Variants in SLC11A2 observed in about 807,000 individuals in gnomAD.
The protein encoded by SLC11A2 is solute carrier family 11 member 2.
A neutral mutation model predicts 68.0 loss-of-function variants in SLC11A2; 38 were observed. That is an observed-to-expected ratio of 0.56 (90% CI 0.43 to 0.73). SLC11A2 has a LOEUF of 0.73. SLC11A2 is among the 30% of genes least tolerant of loss of function. The probability of loss-of-function intolerance (pLI) is 0.00; values close to 1 mark genes in which losing one functional copy is unlikely to be tolerated. For synonymous variants in SLC11A2, 242 were observed against 250.6 expected (o/e 0.97, Z 0.32); for missense variants, 517 against 690.5 (o/e 0.75, Z 2.82).
chr12:50,970,566 A>G, the SLC11A2 span: 183,471 of 1,025,028 alleles, frequency 0.18, 17,904 homozygotes, highest in South Asian at 0.28. Flanking sequence ...ATTATGAAGA[A>G]TAAATTTTCA....
intron 1 of SLC11A2, chr12:51,024,961 G>T (rs1944283361): frequency 6.6e-6 from 1 of 152,190 alleles, no homozygotes; most frequent in African/African-American, 2.4e-5. Context: ...AGTAGGCCAA[G>T]CAAGACTGTC....
chr12:50,989,816 G>C lies in SLC11A2; in HGVS notation c.1575+979C>G, dbSNP rs11837720. Among the ~76,000 whole-genome samples, 1,075 of 152,310 alleles carry C rather than the reference G, an allele frequency of 7.1e-3. 20 individuals are homozygous for C. The highest frequency in any genetic ancestry group is 0.024 in the African/African-American group (1,001 of 41,570). On this transcript the variant is annotated intron_variant, in intron 15 of 15. Transcript: ENST00000262052. ...CTAATGTGTGGCACACTGGTGTGGG[G>C]AAGTGTTCTAGAGATTAACAGCAGG...
the SLC11A2 span, chr12:50,954,292 G>C: frequency 6.7e-6 from 3 of 445,764 alleles, no homozygotes; most frequent in East Asian, 3.4e-5. Flanking sequence ...GTTATTTGAG[G>C]CATCAAATTT....
Position 50,987,834 on chromosome 12 carries a change from G to A in SLC11A2, c.*491C>T, listed in dbSNP as rs1940745272. On this transcript the variant is annotated 3_prime_UTR_variant, in exon 16 of 16. Transcript: ENST00000262052. ...ATTTCATATGGATGAAGCTATTCTAGTTGATAATTTGGTATAATTAAAATA... is the reference window on the plus strand; with the variant it reads ...ATTTCATATGGATGAAGCTATTCTAATTGATAATTTGGTATAATTAAAATA... 4 of 1,260,806 alleles carry A rather than the reference G, an allele frequency of 3.2e-6. No individual in the cohort carries two copies. The African/African-American group carries it at 6.2e-5, about 20-fold the overall frequency. The allele number at this position is 1,260,806 out of a possible 1,614,324, so 78.1% of individuals were successfully genotyped here.
intron 5 of SLC11A2, among the ~76,000 whole-genome samples, chr12:51,001,151 C>T (rs902727791): frequency 5.0e-5 from 7 of 140,284 alleles, no homozygotes; most frequent in Admixed American, 1.5e-4. Context: ...GACAACAAAG[C>T]GAGACTCCAT....
chr12:51,011,671 C>A (rs1216263128), intron 1 of SLC11A2, among the ~76,000 whole-genome samples: 1 of 150,990 alleles, frequency 6.6e-6, no homozygotes, highest in African/African-American at 2.4e-5. Context: ...CAAGCGATTC[C>A]CCTGCCTCAG....
chr12:50,986,200 A>G lies in SLC11A2; in HGVS notation c.*2125T>C, dbSNP rs1278051631. On this transcript the variant is annotated 3_prime_UTR_variant, in exon 16 of 16. Transcript: ENST00000262052. ...AAGAAGAACAAGAACCAATTTATAT[A>G]AAGTACAATTGTATATCCTTAAACA... 4 of 1,283,844 alleles carry G rather than the reference A, an allele frequency of 3.1e-6. No homozygotes were observed. The highest frequency in any genetic ancestry group is 3.0e-6 in the Non-Finnish European group (3 of 985,786). 79.5% of individuals were successfully genotyped at this position (1,283,844 alleles called of 1,614,324 possible).
chr12:50,975,165 A>C (rs1325704432), downstream of SLC11A2, among the ~76,000 whole-genome samples: 3 of 152,150 alleles, frequency 2.0e-5, no homozygotes, highest in Non-Finnish European at 4.4e-5. Context: ...AGAACTCTCC[A>C]CCCCAAATCA....
At chr12:50,956,072 A>G in the SLC11A2 span, among the ~76,000 whole-genome samples, 3 of 152,346 alleles carry the variant, frequency 2.0e-5, no homozygotes, top group African/African-American at 7.2e-5. Context: ...AATAGAGATA[A>G]GTTTTTGCTA....
Position 50,990,932 on chromosome 12 carries a change from C to G in SLC11A2, c.1438G>C (p.Gly480Arg). 6.2e-7 allele frequency: 1 copy of G among 1,614,012 alleles called. No homozygotes were observed. The highest frequency in any genetic ancestry group is 8.5e-7 in the Non-Finnish European group (1 of 1,179,936). The change falls in exon 15 of 16, where the codon GGA (glycine) becomes CGA (arginine). Residue 480 changes from glycine (G) to arginine (R), a missense_variant. Gly to Arg is a moderately radical substitution (Grantham distance 125). Transcript: ENST00000262052. ...FANGLGWRIA[G>R]GILVLIICSI... ...CAGATGATAAGGACCAAGATTCCTC[C>G]TGCAATCCGCCAGCCTCTGTAAAAG...
intron 5 of SLC11A2, among the ~76,000 whole-genome samples, chr12:51,003,966 G>C (rs970776919): frequency 2.0e-5 from 3 of 151,788 alleles, no homozygotes; most frequent in African/African-American, 7.3e-5. Flanking sequence ...GAAAGAAAAA[G>C]AAGCTAGAAG....
At chr12:50,991,362 G>A in intron 14 of SLC11A2, 1 of 575,952 alleles carries the variant, frequency 1.7e-6, no homozygotes, top group Non-Finnish European at 3.1e-6. Context: ...AGTGGCTGAA[G>A]CTGAAGAGTT....
intron 1 of SLC11A2, among the ~76,000 whole-genome samples, chr12:51,017,503 G>A (rs375274940): frequency 6.6e-6 from 1 of 152,186 alleles, no homozygotes; most frequent in African/African-American, 2.4e-5. Flanking sequence ...GAAGGAAGGA[G>A]TAGGAGAGCC....
chr12:50,996,820 G>A lies in SLC11A2; in HGVS notation c.828C>T (p.Val276=), dbSNP rs754854640. The change falls in exon 9 of 16, where the codon GTC becomes GTT. Residue 276 remains valine, a synonymous_variant. Transcript: ENST00000262052. ...AGGAGATAAGGGCCTTGCTCACCTT[G>A]ACTAAGGCAGAATGCAGGTACATGT... The part of the protein sequence containing the change: ...PHNMYLHSAL[V]KSRQVNRNNK... 4.8e-5 allele frequency: 78 copies of A among 1,613,884 alleles called. No individual in the cohort carries two copies. Among genetic ancestry groups the A allele is most frequent in the Non-Finnish European group, 6.6e-5 (78 of 1,179,962 alleles).
At chr12:51,001,003 A>G (rs1406054626) in intron 5 of SLC11A2, among the ~76,000 whole-genome samples, 1 of 152,032 alleles carries the variant, frequency 6.6e-6, no homozygotes, top group Non-Finnish European at 1.5e-5. Flanking sequence ...CGTCTCTACT[A>G]AAAATACAAA....
the SLC11A2 span, among the ~76,000 whole-genome samples, chr12:50,958,669 T>C: frequency 0.18 from 27,823 of 151,880 alleles, 2,912 homozygotes; most frequent in East Asian, 0.5. Context: ...GTAATCAACA[T>C]GGTGTGGTAC....
intron 11 of SLC11A2, among the ~76,000 whole-genome samples, chr12:50,993,992 CAAAAAAAAAAAAAAA>C (rs71663850): frequency 4.1e-5 from 2 of 48,400 alleles, no homozygotes; most frequent in African/African-American, 7.6e-5. Flanking sequence ...ACCTTGTCTC[CAAAAAAAAAAAAAAA>C]AAAAAAAAAA....
intron 5 of SLC11A2, among the ~76,000 whole-genome samples, chr12:51,003,596 T>TAA (rs1566012254): frequency 6.7e-6 from 1 of 149,260 alleles, no homozygotes; most frequent in East Asian, 1.9e-4. Context: ...TATATATATA[T>TAA]AATTATTATT....
At chr12:50,989,523 C>T (rs1390582047) in intron 15 of SLC11A2, among the ~76,000 whole-genome samples, 1 of 152,172 alleles carries the variant, frequency 6.6e-6, no homozygotes, top group Non-Finnish European at 1.5e-5. Flanking sequence ...CTTCAACAAG[C>T]TCATTAGCCT....
Sources: gnomAD v4.1 joint callset for allele counts (sites outside exome capture counted in the v4.1 genomes callset) on GRCh38, gnomAD v4.1.1 for gene constraint, MANE v1.5 for transcripts, NCBI Gene and HGNC (gene_info 2026-07-23, HGNC 2026-07-21) for gene names.